ATP7A: variants seen among roughly 807,000 people sequenced by gnomAD.
The protein encoded by ATP7A is copper-transporting ATPase 1.
In ATP7A, 7 loss-of-function variants were observed where a neutral mutation model predicts 83.5. That is an observed-to-expected ratio of 0.08 (90% CI 0.05 to 0.16). The LOEUF (loss-of-function observed/expected upper bound fraction) is 0.16. Ranked by LOEUF, ATP7A falls within the 10% of genes least tolerant of loss-of-function variation. The probability of loss-of-function intolerance (pLI) is 1.00; values close to 1 mark genes in which losing one functional copy is unlikely to be tolerated. For synonymous variants in ATP7A, 354 were observed against 395.2 expected, an observed-to-expected ratio of 0.90 and a Z score of 1.24; for missense variants, 940 against 1,120.8, an observed-to-expected ratio of 0.84 and a Z score of 2.30.
At chrX:77,968,170 T>C (rs1557229023) in intron 1 of ATP7A, among the ~76,000 whole-genome samples, 4 of 110,423 alleles carry the variant, frequency 3.6e-5, no homozygotes, top group Non-Finnish European at 7.6e-5. Flanking sequence ...GAAGCACTCC[T>C]GCCCCTCAGA....
In ATP7A at chrX:77,931,018, T is replaced by TA. The variant is rs1403176538; in HGVS notation, c.-22+20184dup. ...TTTTTTTTTTTTTTACCTTTTTTTT[T>TA]ATTTTTTATTTTTTATTGATCATTC... On this transcript the variant is annotated intron_variant, in intron 1 of 22. Coordinates refer to ENST00000341514, the MANE Select transcript of ATP7A (RefSeq NM_000052.7). Among the ~76,000 whole-genome samples the TA allele has an allele frequency of 4.2e-4, 42 of 99,362 alleles. 1 individual carries two copies. Among genetic ancestry groups the TA allele is most frequent in the African/African-American group, 1.4e-3 (38 of 26,998 alleles). The allele number at this position is 99,362 out of a possible 115,157, so 86.3% of individuals were successfully genotyped here. A position where few individuals can be genotyped will look rare whatever the true frequency, so the allele number is the denominator to read the frequency against.
rs1344749001 is a variant in ATP7A at position 78,048,469 on chromosome X, G to A, written c.*1899G>A. The A allele has an allele frequency of 3.6e-5, 4 of 111,908 alleles. No individual in the cohort carries two copies. The highest frequency in any genetic ancestry group is 5.7e-5 in the Non-Finnish European group (3 of 53,082). 9.2% of individuals were successfully genotyped at this position (111,908 alleles called of 1,213,427 possible). A position where few individuals can be genotyped will look rare whatever the true frequency, so the allele number is the denominator to read the frequency against. ...AGCAGAGTCTTAAAATCAGGTGGGG[G>A]TAGGGGATGGAGTTCTTCCTTTCCT... On this transcript the variant is annotated 3_prime_UTR_variant, in exon 23 of 23. Transcript: ENST00000341514.
intron 1 of ATP7A, among the ~76,000 whole-genome samples, chrX:77,958,965 T>C (rs962777503): frequency 9.2e-6 from 1 of 108,830 alleles, no homozygotes; most frequent in Non-Finnish European, 1.9e-5. Context: ...ATTTTGTATT[T>C]TTAGTAGCGA....
At chrX:77,954,608 G>A (rs2077431336) in intron 1 of ATP7A, among the ~76,000 whole-genome samples, 1 of 111,944 alleles carries the variant, frequency 8.9e-6, no homozygotes, top group African/African-American at 3.2e-5. Context: ...AGAAAAGGAT[G>A]AATTATATAA....
At chrX:77,923,815 G>C (rs1272027936) in intron 1 of ATP7A, 5 of 111,154 alleles carry the variant, frequency 4.5e-5, no homozygotes, top group African/African-American at 1.6e-4. Context: ...TTTATGTTTT[G>C]TGTGTATGTG....
At chrX:78,011,752 T>A in intron 9 of ATP7A, 78 bp downstream of exon 9, 2 of 923,755 alleles carry the variant, frequency 2.2e-6, no homozygotes, top group South Asian at 2.0e-5. Context: ...TATTTTCAGC[T>A]ACAAAACTGA....
At chrX:77,956,812 A>G (rs1338629949) in intron 1 of ATP7A, among the ~76,000 whole-genome samples, 1 of 44,546 alleles carries the variant, frequency 2.2e-5, no homozygotes, top group Non-Finnish European at 4.2e-5. Flanking sequence ...TTTTTTTTTT[A>G]ACTGACACAG....
intron 1 of ATP7A, among the ~76,000 whole-genome samples, chrX:77,931,543 G>C (rs1170637721): frequency 7.5e-4 from 84 of 112,548 alleles, no homozygotes; most frequent in African/African-American, 2.7e-3. Context: ...CCTCCCAGAG[G>C]GGGTGGTGGC....
At chrX:77,961,540 C>T (rs2077474754) in intron 1 of ATP7A, among the ~76,000 whole-genome samples, 1 of 111,947 alleles carries the variant, frequency 8.9e-6, no homozygotes, top group South Asian at 3.7e-4. Flanking sequence ...GATACAGGAG[C>T]AAGTCTGAGT....
At chrX:77,986,285 GAAGAAATAAA>G (rs1481788660) in intron 2 of ATP7A, among the ~76,000 whole-genome samples, 1 of 111,393 alleles carries the variant, frequency 9.0e-6, no homozygotes, top group Non-Finnish European at 1.9e-5. Flanking sequence ...CAAGCTAAAG[GAAGAAATAAA>G]AATATGTTCA....
At chrX:77,982,340 A>G (rs1235892832) in intron 2 of ATP7A, among the ~76,000 whole-genome samples, 3 of 112,159 alleles carry the variant, frequency 2.7e-5, no homozygotes, top group Admixed American at 9.5e-5. Context: ...ACTGAGCAGC[A>G]TGCTAACCTG....
At chrX:77,991,699 G>A (rs1422882634) in intron 4 of ATP7A, among the ~76,000 whole-genome samples, 1 of 111,232 alleles carries the variant, frequency 9.0e-6, no homozygotes, top group Non-Finnish European at 1.9e-5. Flanking sequence ...TCACTCTAAT[G>A]TAGAAAATCT....
chrX:77,974,154 T>TG (rs1383555494), intron 2 of ATP7A, among the ~76,000 whole-genome samples: 3 of 109,641 alleles, frequency 2.7e-5, no homozygotes, highest in African/African-American at 1.0e-4. Flanking sequence ...TATAGTTTTT[T>TG]TTTTTTTTTA....
chrX:78,038,935 C>T lies in ATP7A; in HGVS notation c.3611C>T (p.Thr1204Ile). ...VINNDVNDFM[T>I]EHERKGRTAV... is the part of the protein sequence containing the mutation. ...AATAACGATGTAAATGATTTCATGA[C>T]TGAACATGAGAGAAAAGGTCGGACT... Residue 1204 changes from threonine to isoleucine, a missense_variant, in exon 18 of 23, where the codon ACT becomes ATT. This residue lies in a region of ATP7A where 386 missense variants were observed against 502.2 expected (regional missense o/e 0.77). Coordinates refer to ENST00000341514, the MANE Select transcript of ATP7A (RefSeq NM_000052.7). 1 of 1,211,267 alleles carries T rather than the reference C, an allele frequency of 8.3e-7. No individual in the cohort carries two copies. Among genetic ancestry groups the T allele is most frequent in the Non-Finnish European group, 1.1e-6 (1 of 895,082 alleles).
At chrX:77,974,258 C>T (rs895520178) in intron 2 of ATP7A, among the ~76,000 whole-genome samples, 1 of 110,298 alleles carries the variant, frequency 9.1e-6, no homozygotes, top group Admixed American at 9.7e-5. Flanking sequence ...ATTCTCATGC[C>T]TCAGTCACCC....
chrX:78,018,594 C>T (rs1270833517), intron 12 of ATP7A, among the ~76,000 whole-genome samples: 1 of 112,153 alleles, frequency 8.9e-6, no homozygotes, highest in African/African-American at 3.2e-5. Flanking sequence ...TTTCTGAGCC[C>T]TCCAAACTGT....
At position 77,969,410 on chromosome X, in the gene ATP7A, T is replaced by A. The variant is rs1265476474; in HGVS notation, c.-21-2211T>A. ...CAAGTCCTCACCACTGGCAGCCACATCTGATCAATGGCATCTAGCACTGTC... is the reference window on the plus strand; with the variant it reads ...CAAGTCCTCACCACTGGCAGCCACAACTGATCAATGGCATCTAGCACTGTC... On this transcript the variant is annotated intron_variant, in intron 1 of 22. Transcript: ENST00000341514. The A allele has an allele frequency of 5.8e-6, 7 of 1,210,433 alleles. 1 individual carries two copies. The highest frequency in any genetic ancestry group is 5.9e-5 in the East Asian group (2 of 33,839).
At chrX:77,949,295 T>C (rs1310500401) in intron 1 of ATP7A, among the ~76,000 whole-genome samples, 1 of 112,096 alleles carries the variant, frequency 8.9e-6, no homozygotes, top group African/African-American at 3.2e-5. Flanking sequence ...TAATGCTTCA[T>C]TCCAGATTTC....
intron 14 of ATP7A, among the ~76,000 whole-genome samples, chrX:78,022,235 A>T (rs1419382178): frequency 9.0e-6 from 1 of 111,626 alleles, no homozygotes; most frequent in Non-Finnish European, 1.9e-5. Context: ...TTATGGAAGC[A>T]TAAGCCTAGA....
Sources: allele counts gnomAD v4.1 joint callset (sites outside exome capture counted in the v4.1 genomes callset), GRCh38; gene constraint gnomAD v4.1.1; regional missense constraint gnomAD v4.1.1; transcripts MANE v1.5; gene names NCBI Gene and HGNC (gene_info 2026-07-23, HGNC 2026-07-21).